MEI4: variants seen among roughly 807,000 people sequenced by gnomAD.
MEI4 encodes meiosis-specific protein MEI4.
MEI4 carries 27 observed loss-of-function variants against 31.4 expected under a neutral mutation model. The ratio of observed to expected loss-of-function variants is 0.86; its 90% confidence interval spans 0.63 to 1.19. The LOEUF (loss-of-function observed/expected upper bound fraction) is 1.19. MEI4 is among the 50% of genes most tolerant of loss of function. The pLI is 0.00. For synonymous variants in MEI4, 122 were observed against 145.4 expected, an observed-to-expected ratio of 0.84 and a Z score of 1.16; for missense variants, 329 against 398.9, an observed-to-expected ratio of 0.82 and a Z score of 1.49.
intron 2 of MEI4, among the ~76,000 whole-genome samples, chr6:77,735,280 G>A (rs1051856679): frequency 6.6e-6 from 1 of 151,774 alleles, no homozygotes; most frequent in Admixed American, 6.6e-5. Context: ...CCAATCAGAC[G>A]TAGATTTGGT....
chr6:77,822,369 A>G (rs972966357), intron 3 of MEI4, among the ~76,000 whole-genome samples: 3 of 152,146 alleles, frequency 2.0e-5, no homozygotes, highest in Non-Finnish European at 2.9e-5. Flanking sequence ...TGTACAGTAG[A>G]AAATAAGTCC....
chr6:77,686,663 T>C, intron 1 of MEI4, among the ~76,000 whole-genome samples: 1 of 152,118 alleles, frequency 6.6e-6, no homozygotes, highest in African/African-American at 2.4e-5. Context: ...TTTTTTTATA[T>C]TGGTAGTTAT....
intron 3 of MEI4, among the ~76,000 whole-genome samples, chr6:77,816,283 AT>A (rs1430616129): frequency 6.6e-6 from 1 of 152,084 alleles, no homozygotes; most frequent in Non-Finnish European, 1.5e-5. Flanking sequence ...AGTATATTTC[AT>A]TGTTTTTTAA....
intron 4 of MEI4, among the ~76,000 whole-genome samples, chr6:77,892,141 C>T (rs542806807): frequency 3.3e-5 from 5 of 152,232 alleles, no homozygotes; most frequent in African/African-American, 1.2e-4. Flanking sequence ...CAGGCATGTC[C>T]TCAGGCCTTT....
At chr6:77,755,520 TC>T (rs1370742454) in intron 2 of MEI4, among the ~76,000 whole-genome samples, 1 of 151,880 alleles carries the variant, frequency 6.6e-6, no homozygotes, top group Non-Finnish European at 1.5e-5. Context: ...CCATGTTCAA[TC>T]AGTTCTCCTG....
At chr6:77,906,442 G>A (rs189850899) in intron 4 of MEI4, among the ~76,000 whole-genome samples, 1 of 152,300 alleles carries the variant, frequency 6.6e-6, no homozygotes, top group Non-Finnish European at 1.5e-5. Context: ...ATCAACTGAT[G>A]TCAAGGTTGA....
intron 2 of MEI4, among the ~76,000 whole-genome samples, chr6:77,702,967 C>T (rs1168105015): frequency 6.6e-6 from 1 of 152,172 alleles, no homozygotes; most frequent in East Asian, 1.9e-4. Context: ...AACTACCTCC[C>T]TAGACTAGAT....
chr6:77,714,078 T>G (rs1766526577), intron 2 of MEI4, among the ~76,000 whole-genome samples: 2 of 152,198 alleles, frequency 1.3e-5, no homozygotes, highest in Admixed American at 1.3e-4. Flanking sequence ...TTCTTTTGTA[T>G]GGCTACATAG....
intron 1 of MEI4, among the ~76,000 whole-genome samples, chr6:77,686,944 T>A (rs1769069317): frequency 6.6e-6 from 1 of 151,320 alleles, no homozygotes; most frequent in Non-Finnish European, 1.5e-5. Context: ...AGTTATAATA[T>A]AAATATAAAA....
In MEI4 at chr6:77,924,067, CAT is replaced by C. The variant is rs1766784076; in HGVS notation, c.*724_*725del. 1.3e-5 allele frequency: 2 copies of C among 151,624 alleles called. No individual in the cohort carries two copies. The highest frequency in any genetic ancestry group is 1.9e-4 in the East Asian group (1 of 5,154). 9.4% of individuals were successfully genotyped at this position (151,624 alleles called of 1,614,324 possible). A position where few individuals can be genotyped will look rare whatever the true frequency, so the allele number is the denominator to read the frequency against. On this transcript the variant is annotated 3_prime_UTR_variant, in exon 5 of 5. Transcript: ENST00000684080. ...AATAGTATACAATTAAGTCACTAGA[CAT>C]ATTTTATAAATTCTAATATCCATCT...
intron 4 of MEI4, among the ~76,000 whole-genome samples, chr6:77,907,153 A>G (rs1291256323): frequency 6.6e-6 from 1 of 152,040 alleles, no homozygotes; most frequent in Non-Finnish European, 1.5e-5. Flanking sequence ...TTTTTTAAAT[A>G]TACTTTGAGT....
chr6:77,819,215 TTCA>T (rs1223486701), intron 3 of MEI4, among the ~76,000 whole-genome samples: 2 of 152,288 alleles, frequency 1.3e-5, no homozygotes, highest in Middle Eastern at 3.4e-3. Flanking sequence ...CAATTACTTA[TTCA>T]TATGTTTTGT....
intron 1 of MEI4, among the ~76,000 whole-genome samples, chr6:77,666,893 G>C (rs1024288499): frequency 7.1e-6 from 1 of 140,446 alleles, no homozygotes; most frequent in Non-Finnish European, 1.6e-5. Context: ...GCGTGCGTGC[G>C]TGCGTGCATG....
In MEI4 at chr6:77,723,189, G is replaced by A. The variant is rs541628279; in HGVS notation, c.232+32286G>A. Among the ~76,000 whole-genome samples, 837 of 144,136 alleles carry A rather than the reference G, an allele frequency of 5.8e-3. 84 individuals carry two copies. The highest frequency in any genetic ancestry group is 0.021 in the African/African-American group (818 of 38,790). 94.6% of individuals were successfully genotyped at this position (144,136 alleles called of 152,430 possible). On this transcript the variant is annotated intron_variant, in intron 2 of 4. Transcript: ENST00000684080. ...GTCCTACAGTCCCCTCAGGCAGGGG[G>A]CCATATACCCCTGTAGGGATTTTTT...
intron 3 of MEI4, among the ~76,000 whole-genome samples, chr6:77,764,803 G>T (rs1431703696): frequency 6.6e-6 from 1 of 151,916 alleles, no homozygotes; most frequent in Non-Finnish European, 1.5e-5. Flanking sequence ...AACAACAATA[G>T]GTAAAATGGT....
chr6:77,910,954 CAT>C (rs1330708679), intron 4 of MEI4, among the ~76,000 whole-genome samples: 56 of 128,580 alleles, frequency 4.4e-4, no homozygotes, highest in Non-Finnish European at 6.7e-4. Flanking sequence ...TCTTCTTAAT[CAT>C]AGCCATTCTA....
intron 3 of MEI4, among the ~76,000 whole-genome samples, chr6:77,769,955 C>T (rs1481365803): frequency 2.0e-5 from 3 of 151,762 alleles, no homozygotes; most frequent in African/African-American, 7.3e-5. Flanking sequence ...GAGACCACTT[C>T]TGCTTGAGAA....
At chr6:77,823,293 T>G (rs1769871996) in intron 3 of MEI4, among the ~76,000 whole-genome samples, 1 of 152,204 alleles carries the variant, frequency 6.6e-6, no homozygotes, top group Non-Finnish European at 1.5e-5. Flanking sequence ...CAATTGAGAT[T>G]GAAGCATTTA....
chr6:77,878,981 C>T (rs899034063), intron 4 of MEI4, among the ~76,000 whole-genome samples: 36 of 152,114 alleles, frequency 2.4e-4, no homozygotes, highest in African/African-American at 8.2e-4. Flanking sequence ...AACTACTAAC[C>T]TTTTAAAGGC....
Sources: allele counts gnomAD v4.1 joint callset (sites outside exome capture counted in the v4.1 genomes callset), GRCh38; gene constraint gnomAD v4.1.1; transcripts MANE v1.5; gene names NCBI Gene and HGNC (gene_info 2026-07-23, HGNC 2026-07-21).